Variants in SLC43A3 observed in about 807,000 individuals in gnomAD.
SLC43A3 encodes the protein equilibrative nucleobase transporter 1.
In SLC43A3, 33 loss-of-function variants were observed where a neutral mutation model predicts 53.3. That is an observed-to-expected ratio of 0.62 (90% CI 0.47 to 0.83). The LOEUF (loss-of-function observed/expected upper bound fraction) is 0.83. Ranked by LOEUF, SLC43A3 falls within the 40% of genes least tolerant of loss-of-function variation. The probability of loss-of-function intolerance (pLI) is 0.00; values close to 1 mark genes in which losing one functional copy is unlikely to be tolerated. For missense variants in SLC43A3, 530 were observed against 610.0 expected (o/e 0.87, Z 1.38); for synonymous variants, 236 against 246.2 (o/e 0.96, Z 0.39).
At position 57,416,463 on chromosome 11, in the gene SLC43A3, T is replaced by C. The variant is rs1184367906; in HGVS notation, c.769+110A>G. The C allele has an allele frequency of 5.1e-6, 4 of 784,814 alleles. No individual in the cohort carries two copies. The Admixed American group carries it at 8.9e-5, about 17-fold the overall frequency. The allele number at this position is 784,814 out of a possible 1,614,324, so 48.6% of individuals were successfully genotyped here. A position where few individuals can be genotyped will look rare whatever the true frequency, so the allele number is the denominator to read the frequency against. On this transcript the variant is annotated intron_variant, in intron 9 of 13. Transcript: ENST00000395124. ...GATGCCTAAGGCCCTTTTTCTGTCC[T>C]GCCTTTCCTGATTCTGGGTCCCTGG...
intron 4 of SLC43A3, 109 bp downstream of exon 4, chr11:57,425,432 G>A: frequency 8.5e-7 from 1 of 1,169,752 alleles, no homozygotes; most frequent in South Asian, 1.4e-5. Context: ...CAGGTGTGGT[G>A]CCTGGCAGGG....
intron 9 of SLC43A3, 118 bp downstream of exon 9, chr11:57,416,455 T>A (rs756185626): frequency 1.4e-6 from 1 of 734,148 alleles, no homozygotes; most frequent in Non-Finnish European, 2.3e-6. Context: ...AAGGCCCTTT[T>A]TCTGTCCTGC....
At chr11:57,409,838 G>A in intron 12 of SLC43A3, 97 bp downstream of exon 12, 1 of 1,190,194 alleles carries the variant, frequency 8.4e-7, no homozygotes, top group South Asian at 1.6e-5. Context: ...GCACCTGACT[G>A]CCTCCAGGCC....
rs1943018187 is a variant in SLC43A3 at position 57,422,127 on chromosome 11, C to T, written c.362-754G>A. Among the ~76,000 whole-genome samples, 3 of 152,226 alleles carry T rather than the reference C, an allele frequency of 2.0e-5. No homozygotes were observed. The South Asian group carries it at 6.2e-4, about 31-fold the overall frequency. On this transcript the variant is annotated intron_variant, in intron 5 of 13. Coordinates refer to ENST00000395124, the MANE Select transcript of SLC43A3 (RefSeq NM_199329.3). ...CCATTATTCTGGCCACAACCTATGC[C>T]TGTCCTATTATTTGCTAAAATGTTT...
chr11:57,423,275 T>C (rs1444555764), intron 5 of SLC43A3, among the ~76,000 whole-genome samples: 1 of 152,202 alleles, frequency 6.6e-6, no homozygotes, highest in East Asian at 1.9e-4. Context: ...AAAACAAAGA[T>C]TTTGAGTACA....
intron 7 of SLC43A3, 140 bp downstream of exon 7, chr11:57,420,832 G>T: frequency 1.6e-6 from 1 of 640,784 alleles, no homozygotes; most frequent in Non-Finnish European, 2.8e-6. Flanking sequence ...TAACCTCAGA[G>T]ACTCAAATGC....
intron 7 of SLC43A3, among the ~76,000 whole-genome samples, chr11:57,418,238 G>A (rs1320827022): frequency 6.6e-6 from 1 of 152,186 alleles, no homozygotes; most frequent in Non-Finnish European, 1.5e-5. Context: ...AGGAGGCTGA[G>A]TGGGAGGATT....
At chr11:57,409,331 C>T (rs1413591002) in intron 12 of SLC43A3, 33 bp from the exon 13 acceptor site, 4 of 1,612,892 alleles carry the variant, frequency 2.5e-6, no homozygotes, top group Non-Finnish European at 2.5e-6. Flanking sequence ...TTCCAGTGAG[C>T]TTCAGGGACC....
At chr11:57,424,327 A>C (rs1247268025) in intron 4 of SLC43A3, among the ~76,000 whole-genome samples, 1 of 152,202 alleles carries the variant, frequency 6.6e-6, no homozygotes, top group South Asian at 2.1e-4. Context: ...CTTGGGACTT[A>C]GCCAGGACAG....
At chr11:57,425,876 C>G (rs1943183805) in intron 3 of SLC43A3, 113 bp downstream of exon 3, 3 of 1,360,150 alleles carry the variant, frequency 2.2e-6, no homozygotes, top group Admixed American at 3.9e-5. Flanking sequence ...GAGCTGCTGA[C>G]CCTTCCTCTC....
At position 57,421,343 on chromosome 11, in the gene SLC43A3, G is replaced by T. The variant is rs1426547213; in HGVS notation, c.392C>A (p.Pro131Gln). 4.3e-6 allele frequency: 7 copies of T among 1,613,788 alleles called. No individual in the cohort carries two copies. The highest frequency in any genetic ancestry group is 1.3e-5 in the African/African-American group (1 of 74,894). Residue 131 changes from proline (P) to glutamine (Q), a missense_variant, in exon 6 of 14, where the codon CCA (proline) becomes CAA (glutamine). By Grantham distance (76) the Pro-to-Gln change is moderately conservative. Transcript: ENST00000395124. ...GSAVLLFLAM[P>Q]MLTIGGILFL... The stretch of plus-strand genomic sequence containing the variant: ...CAGGATTCCCCCAATGGTGAGCATT[G>T]GCATGGCCAGGAAGAGCAGCACGGC...
chr11:57,407,950 G>T, intron 13 of SLC43A3, 54 bp from the exon 14 acceptor site: 1 of 1,220,712 alleles, frequency 8.2e-7, no homozygotes, highest in Non-Finnish European at 1.2e-6. Flanking sequence ...CAACAGAACT[G>T]TTGCTCAATG....
At chr11:57,425,196 G>T (rs1451810991) in intron 4 of SLC43A3, among the ~76,000 whole-genome samples, 2 of 152,158 alleles carry the variant, frequency 1.3e-5, no homozygotes, top group African/African-American at 4.8e-5. Context: ...TGAAGGAAGA[G>T]AAGAGCAATT....
rs1942792346 is a variant in SLC43A3 at position 57,417,880 on chromosome 11, T to C, written c.539A>G (p.Tyr180Cys). The change falls in exon 8 of 14, where the codon TAT (tyrosine) becomes TGT (cysteine). Residue 180 changes from tyrosine (Y) to cysteine (C), a missense_variant. Tyr to Cys is a radical substitution (Grantham distance 194, BLOSUM62 -2). This residue lies in a region of SLC43A3 where 376 missense variants were observed against 386.7 expected (regional missense o/e 0.97). Coordinates refer to ENST00000395124, the MANE Select transcript of SLC43A3 (RefSeq NM_199329.3). ...GGCCCTGAGGCTGATGCCTTTTTCA[T>C]AAAGAAGCTGCAGAAGGAGAAGGAA... is the stretch of plus-strand genomic sequence containing the variant. ...SAVFLIIKLL[Y>C]EKGISLRASF... The C allele has an allele frequency of 6.2e-7, 1 of 1,613,970 alleles. No homozygotes were observed. Among genetic ancestry groups the C allele is most frequent in the Non-Finnish European group, 8.5e-7 (1 of 1,179,970 alleles).
chr11:57,413,475 T>C (rs1304832819), intron 11 of SLC43A3, among the ~76,000 whole-genome samples: 2 of 152,214 alleles, frequency 1.3e-5, no homozygotes, highest in African/African-American at 2.4e-5. Flanking sequence ...TAGAGATACA[T>C]GTACGGGTAT....
At chr11:57,408,040 C>T (rs1307585502) in intron 13 of SLC43A3, 144 bp from the exon 14 acceptor site, 4 of 602,998 alleles carry the variant, frequency 6.6e-6, no homozygotes, top group Non-Finnish European at 1.2e-5. Flanking sequence ...CACCCAGACA[C>T]TATGGTGCCC....
At position 57,407,899 on chromosome 11, in the gene SLC43A3, G is replaced by T; in HGVS notation, c.1372-3C>A. The stretch of plus-strand genomic sequence containing the variant: ...GCAAGCATGAACATCACATTCACCT[G>T]CAGGGAGAGCAGAAGTGAGGTGAAA... On this transcript the variant is annotated splice_region_variant and splice_polypyrimidine_tract_variant and intron_variant, in intron 13 of 13. Coordinates refer to ENST00000395124, the MANE Select transcript of SLC43A3 (RefSeq NM_199329.3). 6.3e-7 allele frequency: 1 copy of T among 1,590,226 alleles called. No homozygotes were observed. The highest frequency in any genetic ancestry group is 8.6e-7 in the Non-Finnish European group (1 of 1,158,322).
rs149378058 is a variant in SLC43A3 at position 57,417,356 on chromosome 11, G to A, written c.671+392C>T. Among the ~76,000 whole-genome samples, 411 of 152,276 alleles carry A rather than the reference G, an allele frequency of 2.7e-3. 2 individuals carry two copies. The highest frequency in any genetic ancestry group is 9.6e-3 in the African/African-American group (398 of 41,542). ...CACTCTTTCAGAACCCTGAAATCAC[G>A]GTGTGAATGAGCCCACGCTGGCTTG... On this transcript the variant is annotated intron_variant, in intron 8 of 13. Transcript: ENST00000395124.
Position 57,411,326 on chromosome 11 carries a change from C to A in SLC43A3, c.1061-1205G>T, listed in dbSNP as rs1035094518. ...TGAAATCAATGAACATAACTCTATA[C>A]CAAATTAGTGACCCTTAAAATCAGT... On this transcript the variant is annotated intron_variant, in intron 11 of 13. Transcript: ENST00000395124. Among the ~76,000 whole-genome samples the A allele has an allele frequency of 1.7e-4, 26 of 151,848 alleles. 1 individual carries two copies. Among genetic ancestry groups the A allele is most frequent in the Non-Finnish European group, 7.4e-5 (5 of 67,968 alleles).
Sources: allele counts gnomAD v4.1 joint callset (sites outside exome capture counted in the v4.1 genomes callset), GRCh38; gene constraint gnomAD v4.1.1; regional missense constraint gnomAD v4.1.1; transcripts MANE v1.5; gene names NCBI Gene and HGNC (gene_info 2026-07-23, HGNC 2026-07-21).